Variants in COX15 observed in about 807,000 individuals in gnomAD.
The protein encoded by COX15 is cytochrome c oxidase assembly factor COX15.
A neutral mutation model predicts 51.9 loss-of-function variants in COX15; 51 were observed. The ratio of observed to expected loss-of-function variants is 0.98; its 90% CI spans 0.78 to 1.24. The LOEUF (loss-of-function observed/expected upper bound fraction) is 1.24, where lower values mean the gene tolerates loss of function less well. Ranked by LOEUF, COX15 falls within the 50% of genes most tolerant of loss-of-function variation. The probability of loss-of-function intolerance (pLI) is 0.00; values close to 1 mark genes in which losing one functional copy is unlikely to be tolerated. For synonymous variants in COX15, 188 were observed against 190.5 expected (o/e 0.99, Z 0.11); for missense variants, 420 against 501.1 (o/e 0.84, Z 1.55).
intron 4 of COX15, among the ~76,000 whole-genome samples, chr10:99,726,120 C>T (rs925405872): frequency 1.3e-5 from 2 of 152,058 alleles, no homozygotes; most frequent in African/African-American, 4.8e-5. Flanking sequence ...TTTTAATTGC[C>T]ATTTATATCT....
rs762075313 is a variant in COX15, at chr10:99,712,305, C to T, written c.*2282G>A. On this transcript the variant is annotated 3_prime_UTR_variant, in exon 9 of 9. Coordinates refer to ENST00000016171, the MANE Select transcript of COX15 (RefSeq NM_078470.6). Reference sequence around the variant, plus strand: ...TGAGATCACCTAGTTCAGAGACTAACGGGAAACGTTAGGTCATTTATGGCT... The same window carrying T: ...TGAGATCACCTAGTTCAGAGACTAATGGGAAACGTTAGGTCATTTATGGCT... The T allele has an allele frequency of 2.7e-4, 265 of 985,224 alleles. No individual in the cohort carries two copies. The highest frequency in any genetic ancestry group is 2.8e-4 in the Non-Finnish European group (236 of 829,902). 61.0% of individuals were successfully genotyped at this position (985,224 alleles called of 1,614,324 possible). A position where few individuals can be genotyped will look rare whatever the true frequency, so the allele number is the denominator to read the frequency against.
In COX15 at chr10:99,714,427, T is replaced by C; in HGVS notation, c.*160A>G. On this transcript the variant is annotated 3_prime_UTR_variant, in exon 9 of 9. Transcript: ENST00000016171. ...GTAACCACACTTAATGCATTCTTGA[T>C]CCAGTGACTATCTCAAAACAGGAAA... 1 of 1,500,780 alleles carries C rather than the reference T, an allele frequency of 6.7e-7. No homozygotes were observed. The highest frequency in any genetic ancestry group is 8.9e-7 in the Non-Finnish European group (1 of 1,127,940). 93.0% of individuals were successfully genotyped at this position (1,500,780 alleles called of 1,614,324 possible).
chr10:99,707,957 GTATAT>G (rs2036285341), downstream of COX15, among the ~76,000 whole-genome samples: 1 of 152,156 alleles, frequency 6.6e-6, no homozygotes, highest in Non-Finnish European at 1.5e-5. Context: ...TGTTACATGA[GTATAT>G]TGAGTGATGC....
At chr10:99,710,527 A>G, downstream of COX15, 1 of 985,420 alleles carries the variant, frequency 1.0e-6, no homozygotes, top group East Asian at 1.1e-4. Flanking sequence ...CTACTGCTTC[A>G]CATTAAACAA....
the COX15 span, among the ~76,000 whole-genome samples, chr10:99,696,633 C>G: frequency 4.6e-5 from 7 of 152,160 alleles, no homozygotes; most frequent in African/African-American, 1.4e-4. Context: ...TAGCATTGGA[C>G]AGATCACAGA....
At chr10:99,720,427 C>A (rs923581792) in intron 6 of COX15, among the ~76,000 whole-genome samples, 2 of 152,118 alleles carry the variant, frequency 1.3e-5, no homozygotes, top group Non-Finnish European at 2.9e-5. Context: ...GCCTGGGCAA[C>A]AGAGTGAGAC....
chr10:99,698,851 C>T, the COX15 span: 1 of 1,594,918 alleles, frequency 6.3e-7, no homozygotes, highest in Non-Finnish European at 8.5e-7. Context: ...TTTGCCAAGG[C>T]TGCTCAGGTA....
At chr10:99,698,112 C>T in the COX15 span, among the ~76,000 whole-genome samples, 2 of 152,160 alleles carry the variant, frequency 1.3e-5, no homozygotes, top group South Asian at 2.1e-4. Flanking sequence ...GGGCCACTGC[C>T]GTGGTCTGCT....
In COX15 at chr10:99,723,469, G is replaced by GA. The variant is rs371740546; in HGVS notation, c.750+486dup. On this transcript the variant is annotated intron_variant, in intron 5 of 8. Transcript: ENST00000016171. ...GACTCATTTAAAAAAAAATTCTAGGGAAAAAAATGTCCTATAAGGGTGTGG... is the reference window on the plus strand; with the variant it reads ...GACTCATTTAAAAAAAAATTCTAGGGAAAAAAAATGTCCTATAAGGGTGTGG... Among the ~76,000 whole-genome samples, 208 of 151,962 alleles carry GA rather than the reference G, an allele frequency of 1.4e-3. 1 individual carries two copies. The highest frequency in any genetic ancestry group is 4.9e-3 in the African/African-American group (204 of 41,430).
chr10:99,724,612 A>G (rs1022938686), intron 4 of COX15, among the ~76,000 whole-genome samples: 2 of 151,916 alleles, frequency 1.3e-5, no homozygotes, highest in African/African-American at 4.8e-5. Flanking sequence ...ACATATCACC[A>G]TTAATACTTA....
At position 99,714,098 on chromosome 10, in the gene COX15, A is replaced by T; in HGVS notation, c.*489T>A. 2 of 1,011,670 alleles carry T rather than the reference A, an allele frequency of 2.0e-6. No individual in the cohort carries two copies. Among genetic ancestry groups the T allele is most frequent in the Non-Finnish European group, 2.4e-6 (2 of 846,026 alleles). 62.7% of individuals were successfully genotyped at this position (1,011,670 alleles called of 1,614,324 possible). A position where few individuals can be genotyped will look rare whatever the true frequency, so the allele number is the denominator to read the frequency against. On this transcript the variant is annotated 3_prime_UTR_variant, in exon 9 of 9. Coordinates refer to ENST00000016171, the MANE Select transcript of COX15 (RefSeq NM_078470.6). ...AATTTCCCCATTTCTGAAAATCAGGATATTAGAAGACATTAGCTTTTTTTT... is the reference window on the plus strand; with the variant it reads ...AATTTCCCCATTTCTGAAAATCAGGTTATTAGAAGACATTAGCTTTTTTTT...
downstream of COX15, chr10:99,709,131 G>C (rs1162408983): frequency 3.1e-6 from 3 of 983,092 alleles, no homozygotes; most frequent in African/African-American, 5.3e-5. Flanking sequence ...CAACATCCAA[G>C]CAATTCATTA....
downstream of COX15, among the ~76,000 whole-genome samples, chr10:99,707,805 T>C (rs2036282067): frequency 6.6e-6 from 1 of 152,232 alleles, no homozygotes; most frequent in Non-Finnish European, 1.5e-5. Context: ...TTATGTGGCA[T>C]TTCATTCACT....
the COX15 span, among the ~76,000 whole-genome samples, chr10:99,704,255 C>T: frequency 6.6e-6 from 1 of 152,004 alleles, no homozygotes; most frequent in Non-Finnish European, 1.5e-5. Flanking sequence ...TTCTGGGGGC[C>T]GTGGGAAGGA....
chr10:99,719,234 T>A (rs1314996088), intron 6 of COX15, among the ~76,000 whole-genome samples: 1 of 152,142 alleles, frequency 6.6e-6, no homozygotes, highest in Non-Finnish European at 1.5e-5. Flanking sequence ...TTCTTTTTTT[T>A]TTTGAGACGC....
At chr10:99,717,241 C>G (rs978563083) in intron 7 of COX15, among the ~76,000 whole-genome samples, 1 of 152,224 alleles carries the variant, frequency 6.6e-6, no homozygotes, top group Non-Finnish European at 1.5e-5. Context: ...CCTCCCACCT[C>G]TAGCTCCACA....
At chr10:99,709,608 G>A (rs1158986997), downstream of COX15, 2 of 985,298 alleles carry the variant, frequency 2.0e-6, no homozygotes, top group African/African-American at 1.7e-5. Flanking sequence ...TTTAGGTTGT[G>A]TTCTTGGCTC....
chr10:99,727,672 T>C, intron 2 of COX15, 109 bp from the exon 3 acceptor site: 2 of 1,264,306 alleles, frequency 1.6e-6, no homozygotes, highest in East Asian at 2.3e-5. Context: ...GTAAACACAT[T>C]GTTTCCTTGT....
At chr10:99,729,809 T>G (rs773405027) in intron 1 of COX15, 75 bp from the exon 2 acceptor site, 40 of 1,461,392 alleles carry the variant, frequency 2.7e-5, no homozygotes, top group Non-Finnish European at 3.8e-5. Context: ...CCCATTCTGA[T>G]TAGCGCGAAG....
Sources: allele counts gnomAD v4.1 joint callset (sites outside exome capture counted in the v4.1 genomes callset), GRCh38; gene constraint gnomAD v4.1.1; transcripts MANE v1.5; gene names NCBI Gene and HGNC (gene_info 2026-07-23, HGNC 2026-07-21).